Variants in RBFOX1 observed in about 807,000 individuals in gnomAD.
RBFOX1 encodes RNA binding protein fox-1 homolog 1.
Under a neutral mutation model 57.7 loss-of-function variants are expected in RBFOX1, and 8 were observed. The ratio of observed to expected loss-of-function variants is 0.14; its 90% CI spans 0.08 to 0.25. The LOEUF (loss-of-function observed/expected upper bound fraction) is 0.25, where lower values mean the gene tolerates loss of function less well. Ranked by LOEUF, RBFOX1 falls within the 10% of genes least tolerant of loss-of-function variation. The pLI, the probability that RBFOX1 is intolerant of heterozygous loss-of-function variation, is 1.00. For synonymous variants in RBFOX1, 326 were observed against 222.4 expected, an observed-to-expected ratio of 1.47 and a Z score of -4.15; for missense variants, 611 against 548.5, an observed-to-expected ratio of 1.11 and a Z score of -1.14.
In RBFOX1 at chr16:5,778,239, C is replaced by G. The variant is rs540374047; in HGVS notation, c.319-89064C>G. Among the ~76,000 whole-genome samples, 181 of 152,224 alleles carry G rather than the reference C, an allele frequency of 1.2e-3. 1 individual carries two copies. Among genetic ancestry groups the G allele is most frequent in the African/African-American group, 3.9e-3 (161 of 41,534 alleles). ...TGCCAGAATCATCCATGTGTGGAGA[C>G]CTAACATTTCAAGGCATTCCTTGGC... On this transcript the variant is annotated intron_variant, in intron 3 of 19. Coordinates refer to the RBFOX1 transcript ENST00000641259.
chr16:6,881,517 C>T (rs556530018), intron 3 of RBFOX1, among the ~76,000 whole-genome samples: 16 of 152,274 alleles, frequency 1.1e-4, no homozygotes, highest in East Asian at 9.7e-4. Flanking sequence ...ATCTTTACAT[C>T]ATCTTCCGTC....
At chr16:6,287,678 A>G (rs910358779) in intron 1 of RBFOX1, among the ~76,000 whole-genome samples, 9 of 152,128 alleles carry the variant, frequency 5.9e-5, no homozygotes, top group African/African-American at 1.2e-4. Flanking sequence ...GTATGCATAT[A>G]TACATAAAAG....
At chr16:6,816,230 G>C (rs114712925) in intron 3 of RBFOX1, among the ~76,000 whole-genome samples, 1 of 152,114 alleles carries the variant, frequency 6.6e-6, no homozygotes, top group East Asian at 1.9e-4. Flanking sequence ...GATTGCTTCA[G>C]TACTGGAGTT....
intron 3 of RBFOX1, among the ~76,000 whole-genome samples, chr16:6,836,322 C>A (rs939883957): frequency 6.6e-6 from 1 of 151,280 alleles, no homozygotes; most frequent in Admixed American, 6.6e-5. Context: ...TTGAATTACT[C>A]CAAAGAAAGA....
chr16:6,479,958 C>G (rs1480270922), intron 2 of RBFOX1, among the ~76,000 whole-genome samples: 3 of 147,640 alleles, frequency 2.0e-5, no homozygotes, highest in East Asian at 4.1e-4. Context: ...GGCTGAGGCA[C>G]AAGAATTGCT....
chr16:6,779,484 G>A (rs1449281397), intron 3 of RBFOX1, among the ~76,000 whole-genome samples: 1 of 151,414 alleles, frequency 6.6e-6, no homozygotes, highest in Non-Finnish European at 1.5e-5. Flanking sequence ...ACATGGCAGT[G>A]CACATATCTC....
At chr16:5,938,161 G>A (rs73521361) in intron 4 of RBFOX1, among the ~76,000 whole-genome samples, 153 of 151,894 alleles carry the variant, frequency 1.0e-3, no homozygotes, top group African/African-American at 3.4e-3. Context: ...CAGAAAACCT[G>A]GAACCAAAAA....
chr16:7,225,497 G>T (rs908348047), intron 4 of RBFOX1, among the ~76,000 whole-genome samples: 5 of 151,950 alleles, frequency 3.3e-5, no homozygotes, highest in Admixed American at 1.3e-4. Flanking sequence ...ATAACTGTAA[G>T]TCCATTAAAT....
chr16:6,049,115 T>C (rs58156768), intron 1 of RBFOX1, among the ~76,000 whole-genome samples: 1,678 of 144,430 alleles, frequency 0.012, 35 homozygotes, highest in African/African-American at 0.041. Context: ...CAGGCTGGAG[T>C]GCAATGGCAT....
rs546512910 is a variant in RBFOX1 at position 6,916,044 on chromosome 16, G to C, written c.-15-136013G>C. Among the ~76,000 whole-genome samples the C allele has an allele frequency of 1.1e-4, 17 of 152,204 alleles. 1 individual carries two copies. Among genetic ancestry groups the C allele is most frequent in the African/African-American group, 4.1e-4 (17 of 41,520 alleles). The stretch of plus-strand genomic sequence containing the variant: ...AGCTGTCTTGACTGGCAGGAAGACA[G>C]AGCTCCACACTGCTACTCCCCAGAC... On this transcript the variant is annotated intron_variant, in intron 3 of 15. Coordinates refer to ENST00000550418, the MANE Select transcript of RBFOX1 (RefSeq NM_018723.4).
intron 2 of RBFOX1, among the ~76,000 whole-genome samples, chr16:6,362,118 A>T (rs1205250236): frequency 1.3e-5 from 2 of 152,140 alleles, no homozygotes; most frequent in African/African-American, 4.8e-5. Context: ...TAAAAGCATG[A>T]CAGAATCATT....
At chr16:6,801,757 A>G (rs1440593090) in intron 3 of RBFOX1, among the ~76,000 whole-genome samples, 1 of 152,158 alleles carries the variant, frequency 6.6e-6, no homozygotes, top group Non-Finnish European at 1.5e-5. Context: ...AGTTACAGGG[A>G]GAAGGTCTGG....
intron 2 of RBFOX1, among the ~76,000 whole-genome samples, chr16:6,480,050 G>A (rs1485793841): frequency 4.0e-4 from 48 of 119,682 alleles, no homozygotes; most frequent in Admixed American, 4.4e-4. Context: ...ACTCCACCTC[G>A]AAAAAAAAAA....
chr16:5,764,113 G>A (rs2053689026), intron 3 of RBFOX1, among the ~76,000 whole-genome samples: 1 of 152,214 alleles, frequency 6.6e-6, no homozygotes, highest in Non-Finnish European at 1.5e-5. Flanking sequence ...GGCTGTGAAA[G>A]TCTTTTGCAA....
chr16:7,139,235 CTCTCT>C (rs955907629), intron 4 of RBFOX1, among the ~76,000 whole-genome samples: 4 of 146,426 alleles, frequency 2.7e-5, no homozygotes, highest in African/African-American at 7.8e-5. Context: ...TCTGCTCCTC[CTCTCT>C]TCTCTTTCTT....
intron 4 of RBFOX1, among the ~76,000 whole-genome samples, chr16:7,422,132 G>T (rs779349951): frequency 1.3e-4 from 20 of 152,110 alleles, no homozygotes; most frequent in Non-Finnish European, 2.6e-4. Flanking sequence ...GGGCCACATC[G>T]TATTTCTGTG....
At chr16:6,791,088 G>A (rs141658568) in intron 3 of RBFOX1, among the ~76,000 whole-genome samples, 1 of 151,856 alleles carries the variant, frequency 6.6e-6, no homozygotes, top group African/African-American at 2.4e-5. Context: ...TGCATTTTTT[G>A]TAGGGATGGG....
chr16:6,983,289 G>T (rs2089437665), intron 3 of RBFOX1, among the ~76,000 whole-genome samples: 2 of 152,114 alleles, frequency 1.3e-5, no homozygotes, highest in South Asian at 4.2e-4. Context: ...ATGTGCAGTT[G>T]TCTATCCAAT....
chr16:6,214,865 G>A (rs544797115), intron 1 of RBFOX1, among the ~76,000 whole-genome samples: 3 of 102,252 alleles, frequency 2.9e-5, no homozygotes, highest in African/African-American at 1.2e-4. Flanking sequence ...AAGAAGGAGG[G>A]AGAAGGCGAG....
Sources: gnomAD v4.1 joint callset for allele counts (sites outside exome capture counted in the v4.1 genomes callset) on GRCh38, gnomAD v4.1.1 for gene constraint, MANE v1.5 for transcripts, NCBI Gene and HGNC (gene_info 2026-07-23, HGNC 2026-07-21) for gene names.